The following ROBO1 variants were observed in gnomAD, a reference collection of about 807,000 sequenced individuals.
The protein encoded by ROBO1 is roundabout homolog 1.
In ROBO1, 149 loss-of-function variants were observed where a neutral mutation model predicts 195.9. The observed-to-expected ratio is 0.76, with a 90% CI of 0.67 to 0.87. The LOEUF (loss-of-function observed/expected upper bound fraction) is 0.87, where lower values mean the gene tolerates loss of function less well. ROBO1 is among the 40% of genes least tolerant of loss of function. The pLI, the probability that ROBO1 is intolerant of heterozygous loss-of-function variation, is 0.00. For missense variants in ROBO1, 1,933 were observed against 2,068.3 expected, an observed-to-expected ratio of 0.93 and a Z score of 1.27; for synonymous variants, 816 against 733.2, an observed-to-expected ratio of 1.11 and a Z score of -1.82.
At chr3:79,258,458 C>T (rs1420284107) in intron 2 of ROBO1, among the ~76,000 whole-genome samples, 1 of 152,082 alleles carries the variant, frequency 6.6e-6, no homozygotes, top group Non-Finnish European at 1.5e-5. Flanking sequence ...CTGCTTTTTC[C>T]TTCACATTAC....
In ROBO1 at chr3:79,446,838, T is replaced by C. The variant is rs1487988063; in HGVS notation, c.88+142986A>G. Among the ~76,000 whole-genome samples the C allele has an allele frequency of 2.0e-5, 3 of 152,198 alleles. No individual in the cohort carries two copies. The East Asian group carries it at 5.8e-4, about 29-fold the overall frequency. ...TTTTAAAATGCACACTTTATTTATT[T>C]TTTGAGATGGAGTCTTCCTCTGTCA... On this transcript the variant is annotated intron_variant, in intron 2 of 30. Transcript: ENST00000464233.
intron 2 of ROBO1, among the ~76,000 whole-genome samples, chr3:79,483,409 T>C (rs1242959935): frequency 6.6e-6 from 1 of 152,164 alleles, no homozygotes; most frequent in Non-Finnish European, 1.5e-5. Flanking sequence ...TTTTGATAAA[T>C]TGCCTCTGAA....
At chr3:79,290,678 A>C (rs534756697) in intron 2 of ROBO1, among the ~76,000 whole-genome samples, 3 of 152,048 alleles carry the variant, frequency 2.0e-5, no homozygotes, top group Non-Finnish European at 4.4e-5. Context: ...TCAAAGAACA[A>C]ATCCCACAAC....
At chr3:78,697,053 C>CAG (rs2081315414) in intron 8 of ROBO1, among the ~76,000 whole-genome samples, 1 of 151,372 alleles carries the variant, frequency 6.6e-6, no homozygotes, top group African/African-American at 2.4e-5. Flanking sequence ...CAGACACACA[C>CAG]ACACACACAC....
chr3:78,895,664 T>G lies in ROBO1; in HGVS notation c.499+42937A>C, dbSNP rs2037183248. On this transcript the variant is annotated intron_variant, in intron 4 of 30. Transcript: ENST00000464233. ...AAATGATTTGTTCTTTGGCAAGATTTGGCATTGCTATCACAAAAGTTGATC... is the reference window on the plus strand; with the variant it reads ...AAATGATTTGTTCTTTGGCAAGATTGGGCATTGCTATCACAAAAGTTGATC... 2.0e-5 allele frequency among the ~76,000 whole-genome samples: 3 copies of G among 152,260 alleles called. No homozygotes were observed. The South Asian group carries it at 6.2e-4, about 31-fold the overall frequency.
chr3:78,918,248 G>A (rs2038743602), intron 4 of ROBO1, among the ~76,000 whole-genome samples: 1 of 152,050 alleles, frequency 6.6e-6, no homozygotes, highest in South Asian at 2.1e-4. Flanking sequence ...TTGTGTTGAT[G>A]ACATTTACAT....
At chr3:79,336,042 T>A (rs2034652471) in intron 2 of ROBO1, among the ~76,000 whole-genome samples, 1 of 152,018 alleles carries the variant, frequency 6.6e-6, no homozygotes, top group South Asian at 2.1e-4. Flanking sequence ...TTGAGAGAAA[T>A]GGTCTAGGGT....
At chr3:78,744,885 T>C (rs564965527) in intron 5 of ROBO1, among the ~76,000 whole-genome samples, 1 of 152,336 alleles carries the variant, frequency 6.6e-6, no homozygotes, top group South Asian at 2.1e-4. Context: ...TCTATTTTTA[T>C]AGGATTTATT....
intron 2 of ROBO1, among the ~76,000 whole-genome samples, chr3:79,291,702 T>G (rs1238817616): frequency 2.0e-5 from 3 of 152,180 alleles, no homozygotes; most frequent in Non-Finnish European, 2.9e-5. Context: ...GTTATATAAA[T>G]CCTTGTGAAT....
At chr3:79,250,456 T>C (rs1262781815) in intron 2 of ROBO1, among the ~76,000 whole-genome samples, 1 of 152,172 alleles carries the variant, frequency 6.6e-6, no homozygotes, top group African/African-American at 2.4e-5. Context: ...TGTATATTCT[T>C]TACATCTGAA....
intron 14 of ROBO1, among the ~76,000 whole-genome samples, chr3:78,666,687 A>G (rs940365646): frequency 7.2e-5 from 11 of 152,210 alleles, no homozygotes; most frequent in Middle Eastern, 3.2e-3. Flanking sequence ...AAACGTGGGC[A>G]TGTTCTACAA....
At position 78,668,213 on chromosome 3, in the gene ROBO1, T is replaced by G. The variant is rs1707848185; in HGVS notation, c.1720A>C (p.Arg574=). 6.2e-7 allele frequency: 1 copy of G among 1,613,514 alleles called. No homozygotes were observed. The highest frequency in any genetic ancestry group is 8.5e-7 in the Non-Finnish European group (1 of 1,179,524). The change falls in exon 13 of 31, where the codon AGA becomes CGA. Residue 574 remains arginine (R), a synonymous_variant. Transcript: ENST00000464233. The stretch of plus-strand genomic sequence containing the variant: ...TGCCACGATAATGTGACTGTATTTC[T>G]GCTGACATCTGTCACTTCAGGTTTT... ...PSKPEVTDVS[R]NTVTLSWQPN...
At chr3:78,854,388 T>C (rs1028362793) in intron 4 of ROBO1, among the ~76,000 whole-genome samples, 1 of 149,572 alleles carries the variant, frequency 6.7e-6, no homozygotes, top group Non-Finnish European at 1.5e-5. Flanking sequence ...ATATAATATA[T>C]ATGTGTGTGT....
At chr3:79,030,355 A>G (rs2078272770) in intron 3 of ROBO1, among the ~76,000 whole-genome samples, 1 of 152,198 alleles carries the variant, frequency 6.6e-6, no homozygotes, top group Non-Finnish European at 1.5e-5. Flanking sequence ...TCCATTGCAT[A>G]GGACAGTCTC....
chr3:79,146,378 T>A (rs2080649460), intron 2 of ROBO1, among the ~76,000 whole-genome samples: 1 of 152,008 alleles, frequency 6.6e-6, no homozygotes, highest in South Asian at 2.1e-4. Flanking sequence ...ATCAATTCTA[T>A]CAGCTATATT....
intron 22 of ROBO1, among the ~76,000 whole-genome samples, chr3:78,639,194 C>T (rs1705760203): frequency 6.6e-6 from 1 of 151,934 alleles, no homozygotes; most frequent in African/African-American, 2.4e-5. Context: ...CAGTGGCTCA[C>T]GCCTGTACTC....
intron 17 of ROBO1, among the ~76,000 whole-genome samples, 156 bp from the exon 18 acceptor site, chr3:78,657,425 C>G (rs528100147): frequency 6.6e-6 from 1 of 152,150 alleles, no homozygotes; most frequent in South Asian, 2.1e-4. Context: ...AAATCTAGTT[C>G]TATGAACAAT....
intron 8 of ROBO1, among the ~76,000 whole-genome samples, chr3:78,704,599 CACACACACACACACAG>C (rs1464200367): frequency 1.4e-5 from 2 of 143,344 alleles, no homozygotes; most frequent in East Asian, 4.0e-4. Context: ...CACACATACA[CACACACACACACACAG>C]ACACACACAC....
intron 4 of ROBO1, among the ~76,000 whole-genome samples, chr3:78,923,339 C>A (rs2039046852): frequency 6.6e-6 from 1 of 152,112 alleles, no homozygotes; most frequent in Non-Finnish European, 1.5e-5. Flanking sequence ...GCAAAAATAT[C>A]TTATTCACAT....
Sources: allele counts gnomAD v4.1 joint callset (sites outside exome capture counted in the v4.1 genomes callset), GRCh38; gene constraint gnomAD v4.1.1; transcripts MANE v1.5; gene names NCBI Gene and HGNC (gene_info 2026-07-23, HGNC 2026-07-21).